The following JADE1 variants were observed in gnomAD, a reference collection of about 807,000 sequenced individuals.
JADE1 encodes jade family PHD finger 1.
A neutral mutation model predicts 81.8 loss-of-function variants in JADE1; 14 were observed. The ratio of observed to expected loss-of-function variants is 0.17; its 90% CI spans 0.11 to 0.27. The LOEUF is 0.27. Ranked by LOEUF, JADE1 falls within the 10% of genes least tolerant of loss-of-function variation. The pLI, the probability that JADE1 is intolerant of heterozygous loss-of-function variation, is 1.00. For missense variants in JADE1, 690 were observed against 1,047.9 expected (o/e 0.66, Z 4.71); for synonymous variants, 353 against 391.9 (o/e 0.90, Z 1.17).
At chr4:128,840,680 C>G (rs1729362008) in intron 2 of JADE1, among the ~76,000 whole-genome samples, 1 of 152,212 alleles carries the variant, frequency 6.6e-6, no homozygotes. Flanking sequence ...GTCTGTCTTC[C>G]TTTTTTCCAG....
At chr4:128,840,545 C>T (rs1013105488) in intron 2 of JADE1, among the ~76,000 whole-genome samples, 4 of 152,186 alleles carry the variant, frequency 2.6e-5, no homozygotes, top group African/African-American at 2.4e-5. Context: ...TGCTTTTCCT[C>T]GTCTCTTCTT....
At chr4:128,845,240 C>T (rs1729768727) in intron 3 of JADE1, among the ~76,000 whole-genome samples, 1 of 152,178 alleles carries the variant, frequency 6.6e-6, no homozygotes, top group African/African-American at 2.4e-5. Flanking sequence ...AGGATGAATG[C>T]CACAGGCCCA....
chr4:128,843,814 A>G (rs1400265019), intron 3 of JADE1, among the ~76,000 whole-genome samples: 3 of 152,336 alleles, frequency 2.0e-5, no homozygotes, highest in East Asian at 3.9e-4. Flanking sequence ...TGTAATGGCA[A>G]TGCATAGGCA....
intron 8 of JADE1, among the ~76,000 whole-genome samples, chr4:128,858,641 C>T (rs1054724978): frequency 8.8e-5 from 13 of 148,490 alleles, no homozygotes; most frequent in African/African-American, 2.5e-4. Context: ...CTCACTCTGT[C>T]GCCCAAGCTG....
chr4:128,853,223 C>T (rs1293535417), intron 6 of JADE1, among the ~76,000 whole-genome samples: 1 of 152,188 alleles, frequency 6.6e-6, no homozygotes, highest in East Asian at 1.9e-4. Context: ...GGACTAGAGA[C>T]CCACCCTACT....
In JADE1 at chr4:128,848,989, T is replaced by C. The variant is rs757816136; in HGVS notation, c.306T>C (p.Ser102=). The C allele has an allele frequency of 3.7e-6, 6 of 1,613,922 alleles. No homozygotes were observed. The Admixed American group carries it at 1.0e-4, about 27-fold the overall frequency. The change falls in exon 5 of 11, where the codon TCT becomes TCC. Residue 102 remains serine (S), a synonymous_variant. Transcript: ENST00000226319. ...TTTTTTTATTATCCAGGGTTGTGTC[T>C]GAAGAGAAATCCCTCATGTTCATCA... ...TIPQPVARVV[S]EEKSLMFIRP...
rs763437009 is a variant in JADE1 at position 128,861,903 on chromosome 4, G to T, written c.1181G>T (p.Arg394Leu). 6.2e-7 allele frequency: 1 copy of T among 1,614,046 alleles called. No homozygotes were observed. Among genetic ancestry groups the T allele is most frequent in the East Asian group, 2.2e-5 (1 of 44,874 alleles). ...AATGGGGCCCCTGAGTGTTCCCCCC[G>T]GAATCCGCTGGAGCCCTTTGCCAGC... ...QENGAPECSP[R>L]NPLEPFASLE... Residue 394 changes from arginine (R) to leucine (L), a missense_variant, in exon 9 of 11, where the codon CGG becomes CTG. Transcript: ENST00000226319.
intron 1 of JADE1, among the ~76,000 whole-genome samples, chr4:128,819,590 A>C (rs979833665): frequency 3.3e-5 from 5 of 152,192 alleles, no homozygotes; most frequent in Admixed American, 3.3e-4. Context: ...GTTAATGCCT[A>C]CCACTCCGGG....
intron 6 of JADE1, among the ~76,000 whole-genome samples, chr4:128,852,648 G>A (rs1182683522): frequency 6.6e-6 from 1 of 152,194 alleles, no homozygotes; most frequent in Non-Finnish European, 1.5e-5. Flanking sequence ...TGCTGTATTA[G>A]TTTCTTACAG....
At chr4:128,858,951 C>T (rs1398772840) in intron 8 of JADE1, among the ~76,000 whole-genome samples, 1 of 152,122 alleles carries the variant, frequency 6.6e-6, no homozygotes, top group Non-Finnish European at 1.5e-5. Flanking sequence ...TACTTTTCTT[C>T]TTTATCACTT....
intron 8 of JADE1, among the ~76,000 whole-genome samples, chr4:128,858,672 G>T (rs971776598): frequency 6.7e-6 from 1 of 150,076 alleles, no homozygotes; most frequent in Non-Finnish European, 1.5e-5. Flanking sequence ...GCATCATCTC[G>T]GCTCACTGCA....
chr4:128,861,838 G>C lies in JADE1; in HGVS notation c.1116G>C (p.Arg372Ser). The C allele has an allele frequency of 1.9e-6, 3 of 1,614,206 alleles. No homozygotes were observed. In the African/African-American group the frequency reaches 4.0e-5, roughly 22 times the overall value. ...KSYCPKHSSH[R>S]KPEESLGKGA... ...ATTGCCCAAAGCACAGCTCACATAG[G>C]AAACCCGAGGAGAGTCTTGGCAAGG... is the stretch of plus-strand genomic sequence containing the variant. The change falls in exon 9 of 11, where the codon AGG (arginine) becomes AGC (serine). Residue 372 changes from arginine (R) to serine (S), a missense_variant. This residue lies in a region of JADE1 where 77 missense variants were observed against 76.4 expected (regional missense o/e 1.01). Transcript: ENST00000226319.
intron 2 of JADE1, among the ~76,000 whole-genome samples, chr4:128,840,758 G>A (rs951012433): frequency 1.3e-5 from 2 of 152,182 alleles, no homozygotes; most frequent in Non-Finnish European, 2.9e-5. Flanking sequence ...TTCTTTCAGT[G>A]TGGGAGTGAA....
chr4:128,830,091 T>C (rs143879116), intron 1 of JADE1, among the ~76,000 whole-genome samples: 5,755 of 151,930 alleles, frequency 0.038, 137 homozygotes, highest in Non-Finnish European at 0.051. Flanking sequence ...TTGGTCAGGC[T>C]GGTCTCGAAC....
chr4:128,852,324 G>A (rs368849318), intron 6 of JADE1, 56 bp downstream of exon 6: 2 of 1,430,720 alleles, frequency 1.4e-6, no homozygotes, highest in Non-Finnish European at 2.0e-6. Flanking sequence ...CCTGTCTGCT[G>A]TGGGAGTGTA....
chr4:128,870,581 T>C (rs1354037103), intron 10 of JADE1, among the ~76,000 whole-genome samples: 1 of 152,150 alleles, frequency 6.6e-6, no homozygotes, highest in Admixed American at 6.5e-5. Flanking sequence ...AAGTAAAGTA[T>C]AATAGGAAAT....
chr4:128,857,233 C>G (rs567087690), intron 7 of JADE1, 105 bp from the exon 8 acceptor site: 1 of 879,250 alleles, frequency 1.1e-6, no homozygotes, highest in African/African-American at 1.7e-5. Flanking sequence ...TTGCCACTGT[C>G]TGGTAGGAGA....
chr4:128,843,281 G>T (rs1560751576), intron 3 of JADE1, among the ~76,000 whole-genome samples: 1 of 152,178 alleles, frequency 6.6e-6, no homozygotes, highest in East Asian at 1.9e-4. Flanking sequence ...CATAAAAAGT[G>T]CTCAGTAAAT....
intron 2 of JADE1, among the ~76,000 whole-genome samples, chr4:128,838,782 C>G (rs1391865011): frequency 6.6e-6 from 1 of 152,152 alleles, no homozygotes; most frequent in Non-Finnish European, 1.5e-5. Context: ...TTCCTGACCT[C>G]CTGGGAATGT....
Sources: allele counts gnomAD v4.1 joint callset (sites outside exome capture counted in the v4.1 genomes callset), GRCh38; gene constraint gnomAD v4.1.1; regional missense constraint gnomAD v4.1.1; transcripts MANE v1.5; gene names NCBI Gene and HGNC (gene_info 2026-07-23, HGNC 2026-07-21).